Variants in PDE8B observed in about 807,000 individuals in gnomAD.
PDE8B encodes phosphodiesterase 8B.
In PDE8B, 26 loss-of-function variants were observed where a neutral mutation model predicts 101.3. That is an observed-to-expected ratio of 0.26 (90% CI 0.19 to 0.36). The LOEUF (loss-of-function observed/expected upper bound fraction) is 0.36. Ranked by LOEUF, PDE8B falls within the 10% of genes least tolerant of loss-of-function variation. The pLI is 1.00. For missense variants in PDE8B, 810 were observed against 1,163.1 expected (o/e 0.70, Z 4.42); for synonymous variants, 424 against 429.3 (o/e 0.99, Z 0.15).
intron 1 of PDE8B, among the ~76,000 whole-genome samples, chr5:77,249,820 G>A (rs948277252): frequency 6.6e-6 from 1 of 152,202 alleles, no homozygotes; most frequent in Non-Finnish European, 1.5e-5. Flanking sequence ...AATTTTGGGG[G>A]CAAGGATTCC....
intron 20 of PDE8B, among the ~76,000 whole-genome samples, chr5:77,424,590 C>T (rs1051172043): frequency 6.6e-6 from 1 of 152,126 alleles, no homozygotes; most frequent in Non-Finnish European, 1.5e-5. Flanking sequence ...AAATAATGGT[C>T]CATGGATAAA....
At chr5:77,251,126 G>A (rs1254749267) in intron 1 of PDE8B, among the ~76,000 whole-genome samples, 1 of 152,174 alleles carries the variant, frequency 6.6e-6, no homozygotes, top group African/African-American at 2.4e-5. Flanking sequence ...TTGGGCAAGT[G>A]TTCTTGGACC....
chr5:77,338,072 C>A lies in PDE8B; in HGVS notation c.797+757C>A, dbSNP rs2150344953. On this transcript the variant is annotated intron_variant, in intron 6 of 21. Coordinates refer to ENST00000264917, the MANE Select transcript of PDE8B (RefSeq NM_003719.5). ...GAGGCTCTTCTCCACCCGTGGGCCACTGCGGGGCCCAGTCCCCAGGAGCTT... is the reference window on the plus strand; with the variant it reads ...GAGGCTCTTCTCCACCCGTGGGCCAATGCGGGGCCCAGTCCCCAGGAGCTT... Among the ~76,000 whole-genome samples, 3 of 152,326 alleles carry A rather than the reference C, an allele frequency of 2.0e-5. 1 individual carries two copies. The South Asian group carries it at 6.2e-4, about 32-fold the overall frequency.
At chr5:77,265,080 G>A (rs1761411018) in intron 1 of PDE8B, among the ~76,000 whole-genome samples, 1 of 152,162 alleles carries the variant, frequency 6.6e-6, no homozygotes, top group South Asian at 2.1e-4. Context: ...TGGTGTCCTT[G>A]TAAGATGTTT....
chr5:77,200,046 AG>A, the PDE8B span, among the ~76,000 whole-genome samples: 1 of 133,730 alleles, frequency 7.5e-6, no homozygotes, highest in Non-Finnish European at 1.6e-5. Context: ...AAAAAGAAAA[AG>A]AAAAGCAAGT....
chr5:77,331,930 A>G (rs1013995416), intron 5 of PDE8B, among the ~76,000 whole-genome samples: 1 of 152,216 alleles, frequency 6.6e-6, no homozygotes, highest in Non-Finnish European at 1.5e-5. Flanking sequence ...AACCATTAAC[A>G]TCAGCAAAGA....
chr5:77,348,406 A>G (rs952231826), intron 7 of PDE8B, among the ~76,000 whole-genome samples: 1 of 152,190 alleles, frequency 6.6e-6, no homozygotes, highest in African/African-American at 2.4e-5. Context: ...TCTAAATTCC[A>G]GGACCCCAGG....
upstream of PDE8B, among the ~76,000 whole-genome samples, chr5:77,205,973 A>T (rs927180660): frequency 8.5e-5 from 13 of 152,274 alleles, no homozygotes; most frequent in African/African-American, 2.9e-4. Flanking sequence ...ATATTTTATT[A>T]TTCTGGCTTT....
intron 1 of PDE8B, among the ~76,000 whole-genome samples, chr5:77,257,430 A>G (rs72766930): frequency 0.021 from 3,214 of 152,296 alleles, 52 homozygotes; most frequent in Non-Finnish European, 0.029. Context: ...ATTTTCATTA[A>G]TATTAAACAA....
chr5:77,177,178 A>C, the PDE8B span, among the ~76,000 whole-genome samples: 1 of 152,154 alleles, frequency 6.6e-6, no homozygotes, highest in East Asian at 1.9e-4. Flanking sequence ...GTTTCGCTGT[A>C]TGATGGCAGA....
the PDE8B span, among the ~76,000 whole-genome samples, chr5:77,157,366 C>A: frequency 2.0e-4 from 30 of 152,176 alleles, no homozygotes; most frequent in African/African-American, 7.2e-4. Context: ...AGTGTGGGGA[C>A]CCAGAAGGGA....
chr5:77,361,567 T>G (rs1164080769), intron 10 of PDE8B, among the ~76,000 whole-genome samples: 1 of 151,128 alleles, frequency 6.6e-6, no homozygotes, highest in Non-Finnish European at 1.5e-5. Context: ...CAGGCTAGAG[T>G]GCAGTGGCGC....
Position 77,329,001 on chromosome 5 carries a change from G to A in PDE8B, c.594G>A (p.Ser198=), listed in dbSNP as rs770825592. The A allele has an allele frequency of 3.7e-6, 6 of 1,613,774 alleles. No homozygotes were observed. Among genetic ancestry groups the A allele is most frequent in the East Asian group, 2.2e-5 (1 of 44,884 alleles). The change falls in exon 4 of 22, where the codon TCG becomes TCA. Residue 198 remains serine, a synonymous_variant. Coordinates refer to ENST00000264917, the MANE Select transcript of PDE8B (RefSeq NM_003719.5). ...QNFDAEAVCR[S]IRATNPSEHT... is the part of the protein sequence containing the mutation. ...ACTTGGAGCCTTCTCATTGCAGGTC[G>A]ATCCGGGCCACAAATCCCTCCGAGC...
the PDE8B span, among the ~76,000 whole-genome samples, chr5:77,106,554 A>C: frequency 1.2e-4 from 19 of 152,206 alleles, no homozygotes; most frequent in Admixed American, 5.9e-4. Context: ...GTTTTATAGA[A>C]AGTATTAAAA....
the PDE8B span, among the ~76,000 whole-genome samples, chr5:77,092,733 A>G: frequency 6.6e-6 from 1 of 152,030 alleles, no homozygotes; most frequent in African/African-American, 2.4e-5. Flanking sequence ...AGCCTGGACG[A>G]CATGGTGAAA....
chr5:77,312,646 A>G (rs1033628406), intron 2 of PDE8B, among the ~76,000 whole-genome samples: 6 of 152,198 alleles, frequency 3.9e-5, no homozygotes, highest in African/African-American at 1.4e-4. Context: ...GACCTTGCAT[A>G]TATTGCTTCA....
chr5:77,244,981 G>A (rs1034123475), intron 1 of PDE8B, among the ~76,000 whole-genome samples: 6 of 152,140 alleles, frequency 3.9e-5, no homozygotes, highest in Non-Finnish European at 7.4e-5. Flanking sequence ...AAAATATCAC[G>A]CAGACATAGG....
At chr5:77,127,689 C>T in the PDE8B span, among the ~76,000 whole-genome samples, 2 of 152,008 alleles carry the variant, frequency 1.3e-5, no homozygotes, top group Non-Finnish European at 2.9e-5. Flanking sequence ...ACAGACATCA[C>T]TTTGCAAAGC....
At chr5:77,346,183 T>A (rs1338394042) in intron 7 of PDE8B, among the ~76,000 whole-genome samples, 1 of 152,208 alleles carries the variant, frequency 6.6e-6, no homozygotes, top group Non-Finnish European at 1.5e-5. Flanking sequence ...TAGAATATGT[T>A]TTATGGCTGC....
Sources: gnomAD v4.1 joint callset for allele counts (sites outside exome capture counted in the v4.1 genomes callset) on GRCh38, gnomAD v4.1.1 for gene constraint, MANE v1.5 for transcripts, NCBI Gene and HGNC (gene_info 2026-07-23, HGNC 2026-07-21) for gene names.